SLC3A1: variants seen among roughly 807,000 people sequenced by gnomAD.
The protein encoded by SLC3A1 is amino acid transporter heavy chain SLC3A1.
SLC3A1 carries 78 observed loss-of-function variants against 60.3 expected under a neutral mutation model. The observed-to-expected ratio is 1.29, with a 90% CI of 1.08 to 1.56. SLC3A1 has a LOEUF of 1.56. SLC3A1 is among the 40% of genes most tolerant of loss of function. The probability of loss-of-function intolerance (pLI) is 0.00; values close to 1 mark genes in which losing one functional copy is unlikely to be tolerated. For missense variants in SLC3A1, 1,172 were observed against 858.9 expected (o/e 1.36, Z -4.56); for synonymous variants, 392 against 307.9 (o/e 1.27, Z -2.86).
At chr2:44,298,677 C>G (rs940967608) in intron 4 of SLC3A1, among the ~76,000 whole-genome samples, 7 of 152,134 alleles carry the variant, frequency 4.6e-5, no homozygotes, top group African/African-American at 1.4e-4. Context: ...TGCGCCCGGA[C>G]TAACCACTTA....
chr2:44,282,717 G>C (rs1355204282), intron 3 of SLC3A1, among the ~76,000 whole-genome samples: 1 of 152,010 alleles, frequency 6.6e-6, no homozygotes, highest in East Asian at 1.9e-4. Flanking sequence ...TACTGCAGTG[G>C]CTTGATCATG....
chr2:44,318,207 C>A, intron 9 of SLC3A1: 1 of 397,904 alleles, frequency 2.5e-6, no homozygotes, highest in South Asian at 1.8e-5. Context: ...TCTCCTGCTG[C>A]AGCCTCCCAA....
At position 44,280,733 on chromosome 2, in the gene SLC3A1, G is replaced by A. The variant is rs145592469; in HGVS notation, c.448G>A (p.Asp150Asn). Residue 150 changes from aspartate to asparagine, a missense_variant, in exon 2 of 10, where the codon GAC (aspartate) becomes AAC (asparagine). Physicochemically the swap from Asp to Asn is conservative, Grantham distance 23. Transcript: ENST00000260649. ...TTCTTCAGGTATTCAAGATAAACTG[G>A]ACTACATCACAGCTTTAAATATAAA... Reference protein sequence around the residue: ...GDLKGIQDKLDYITALNIKTV... With the variant: ...GDLKGIQDKLNYITALNIKTV... 16 of 1,609,784 alleles carry A rather than the reference G, an allele frequency of 9.9e-6. No homozygotes were observed. The highest frequency in any genetic ancestry group is 1.4e-5 in the Non-Finnish European group (16 of 1,176,308).
At chr2:44,303,466 A>T (rs145428986) in intron 6 of SLC3A1, among the ~76,000 whole-genome samples, 17,475 of 151,502 alleles carry the variant, frequency 0.12, 1,161 homozygotes, top group African/African-American at 0.17. Flanking sequence ...CAAACTCCTG[A>T]CCTCAAGTTA....
intron 7 of SLC3A1, among the ~76,000 whole-genome samples, chr2:44,306,826 G>T (rs532288737): frequency 6.6e-6 from 1 of 151,898 alleles, no homozygotes; most frequent in Non-Finnish European, 1.5e-5. Context: ...CAAAGTGCTG[G>T]GATTACAGGT....
At position 44,304,337 on chromosome 2, in the gene SLC3A1, T is replaced by C; in HGVS notation, c.1331T>C (p.Met444Thr). The C allele has an allele frequency of 6.2e-7, 1 of 1,612,096 alleles. No homozygotes were observed. Among genetic ancestry groups the C allele is most frequent in the Non-Finnish European group, 8.5e-7 (1 of 1,178,118 alleles). The part of the protein sequence containing the change: ...NMPEGKWPNW[M>T]IGGPDSSRLT... ...CCAGAAGGAAAATGGCCTAACTGGA[T>C]GGTAAGTCCTCATGACAGCAGAGTA... Residue 444 changes from methionine (M) to threonine (T), a missense_variant and splice_region_variant, in exon 7 of 10, where the codon ATG (methionine) becomes ACG (threonine). Transcript: ENST00000260649.
At chr2:44,318,994 G>A (rs943799975) in intron 9 of SLC3A1, 1 of 152,200 alleles carries the variant, frequency 6.6e-6, no homozygotes, top group Non-Finnish European at 1.5e-5. Flanking sequence ...GACAATAATA[G>A]CTAACACTTA....
intron 1 of SLC3A1, among the ~76,000 whole-genome samples, chr2:44,277,967 G>A (rs1471533239): frequency 6.6e-6 from 1 of 152,032 alleles, no homozygotes. Context: ...TAAAATGTGG[G>A]GTGGGATCCC....
intron 4 of SLC3A1, among the ~76,000 whole-genome samples, chr2:44,293,225 A>G (rs1322802955): frequency 6.6e-6 from 1 of 152,202 alleles, no homozygotes; most frequent in African/African-American, 2.4e-5. Context: ...ACAGTTAGAT[A>G]TAAGGACACT....
chr2:44,280,157 A>G (rs922911527), intron 1 of SLC3A1, among the ~76,000 whole-genome samples: 1 of 152,238 alleles, frequency 6.6e-6, no homozygotes, highest in Non-Finnish European at 1.5e-5. Context: ...GGTTTTAAAT[A>G]TAAAATATGA....
intron 9 of SLC3A1, 176 bp downstream of exon 9, chr2:44,314,127 T>C: frequency 2.1e-6 from 3 of 1,415,542 alleles, no homozygotes; most frequent in Non-Finnish European, 2.9e-6. Context: ...TTTGTGAAAA[T>C]ACAAACTGGT....
rs772957544 is a variant in SLC3A1 at position 44,320,387 on chromosome 2, A to G, written c.1806A>G (p.Ser602=). Reference sequence around the variant, plus strand: ...TCGTGGTTCTGAATTTTGGAGAATCAACACTGTTAAATCTACATAATATGA... The same window carrying G: ...TCGTGGTTCTGAATTTTGGAGAATCGACACTGTTAAATCTACATAATATGA... The part of the protein sequence containing the change: ...IFIVVLNFGE[S]TLLNLHNMIS... The change falls in exon 10 of 10, where the codon TCA becomes TCG. Residue 602 remains serine (S), a synonymous_variant. Transcript: ENST00000260649. 1.2e-5 allele frequency: 20 copies of G among 1,613,988 alleles called. No homozygotes were observed. In the South Asian group the frequency reaches 2.2e-4, roughly 18 times the overall value.
rs764488098 is a variant in SLC3A1 at position 44,320,579 on chromosome 2, CTT to C, written c.2000_2001del (p.Phe667CysfsTer26). 12 of 1,614,048 alleles carry C rather than the reference CTT, an allele frequency of 7.4e-6. No individual in the cohort carries two copies. Among genetic ancestry groups the C allele is most frequent in the Non-Finnish European group, 8.5e-6 (10 of 1,179,940 alleles). ...GCCAAACAGCTTTCAGAGATAGATG[CTT>C]TGTTTCCAATCGAGCATGCTATTCC... ...HRQTAFRDRC[F>X]VSNRACYSSV... is the part of the protein sequence containing the mutation. On this transcript the variant is annotated frameshift_variant, in exon 10 of 10. Transcript: ENST00000260649. LOFTEE classifies it high-confidence loss of function.
At chr2:44,284,684 C>T (rs567619435) in intron 3 of SLC3A1, among the ~76,000 whole-genome samples, 1 of 152,198 alleles carries the variant, frequency 6.6e-6, no homozygotes, top group South Asian at 2.1e-4. Flanking sequence ...CCACCTCAGC[C>T]TCCTTAGTAG....
intron 3 of SLC3A1, chr2:44,285,346 G>A (rs1418613630): frequency 5.9e-6 from 1 of 170,098 alleles, no homozygotes; most frequent in African/African-American, 2.4e-5. Flanking sequence ...AACATGAAAT[G>A]GACAAAAGGC....
intron 6 of SLC3A1, among the ~76,000 whole-genome samples, chr2:44,303,530 C>A (rs1266928346): frequency 6.8e-6 from 1 of 147,294 alleles, no homozygotes; most frequent in African/African-American, 2.5e-5. Flanking sequence ...AGCCACTGCA[C>A]CTGGCACCCA....
At chr2:44,295,316 A>C (rs1671825253) in intron 4 of SLC3A1, among the ~76,000 whole-genome samples, 1 of 152,200 alleles carries the variant, frequency 6.6e-6, no homozygotes, top group Non-Finnish European at 1.5e-5. Flanking sequence ...GACAGGAGTC[A>C]AGGACGTAGT....
intron 9 of SLC3A1, chr2:44,318,110 T>G (rs1672585629): frequency 2.4e-6 from 1 of 419,808 alleles, no homozygotes; most frequent in African/African-American, 2.4e-5. Flanking sequence ...TTTTTTTTTT[T>G]GAGACAGTCT....
intron 9 of SLC3A1, chr2:44,319,936 G>T: frequency 2.5e-6 from 1 of 402,114 alleles, no homozygotes; most frequent in Non-Finnish European, 4.5e-6. Context: ...AGTCAAATTT[G>T]ATCTCTACAG....
Sources: gnomAD v4.1 joint callset for allele counts (sites outside exome capture counted in the v4.1 genomes callset) on GRCh38, gnomAD v4.1.1 for gene constraint, MANE v1.5 for transcripts, NCBI Gene and HGNC (gene_info 2026-07-23, HGNC 2026-07-21) for gene names.